The following TENM3 variants were observed in gnomAD, a reference collection of about 807,000 sequenced individuals.
TENM3 encodes the protein teneurin transmembrane protein 3.
A neutral mutation model predicts 255.1 loss-of-function variants in TENM3; 63 were observed. That is an observed-to-expected ratio of 0.25 (90% CI 0.20 to 0.30). The LOEUF (loss-of-function observed/expected upper bound fraction) is 0.30, where lower values mean the gene tolerates loss of function less well. Ranked by LOEUF, TENM3 falls within the 10% of genes least tolerant of loss-of-function variation. TENM3 has a pLI of 1.00. For missense variants in TENM3, 2,929 were observed against 3,461.1 expected (o/e 0.85, Z 3.86); for synonymous variants, 1,306 against 1,322.3 (o/e 0.99, Z 0.27).
chr4:181,477,776 T>C, the TENM3 span, among the ~76,000 whole-genome samples: 114 of 152,212 alleles, frequency 7.5e-4, no homozygotes, highest in Non-Finnish European at 1.3e-3. Context: ...GTGTGATTCA[T>C]TGTCACTGAT....
intron 6 of TENM3, among the ~76,000 whole-genome samples, chr4:182,666,895 C>T (rs1289692715): frequency 6.6e-6 from 1 of 151,230 alleles, no homozygotes; most frequent in Non-Finnish European, 1.5e-5. Context: ...TTTTGAGACC[C>T]TGTCTCAAAA....
chr4:182,390,045 C>T (rs1768318024), intron 3 of TENM3, among the ~76,000 whole-genome samples: 2 of 152,172 alleles, frequency 1.3e-5, no homozygotes, highest in East Asian at 3.9e-4. Flanking sequence ...TGAGGGTGCA[C>T]ATAGCCCACC....
rs184219716 is a variant in TENM3 at position 182,564,093 on chromosome 4, G to A, written c.512-36831G>A. ...GAAAGAGCCTCAAATGCAGCCTCTC[G>A]CCTGGCTCAGGAATCTTTTCAAGAG... On this transcript the variant is annotated intron_variant, in intron 3 of 27. Coordinates refer to ENST00000511685, the MANE Select transcript of TENM3 (RefSeq NM_001080477.4). 4.4e-3 allele frequency among the ~76,000 whole-genome samples: 677 copies of A among 152,176 alleles called. 3 individuals are homozygous for A. The highest frequency in any genetic ancestry group is 0.015 in the African/African-American group (614 of 41,520).
chr4:182,400,004 G>C (rs776393628), intron 3 of TENM3, among the ~76,000 whole-genome samples: 2 of 152,086 alleles, frequency 1.3e-5, no homozygotes, highest in Non-Finnish European at 2.9e-5. Flanking sequence ...TTACTTGTGT[G>C]TCTTGGGGAA....
At chr4:182,596,139 A>T (rs1031012567) in intron 3 of TENM3, among the ~76,000 whole-genome samples, 1 of 152,162 alleles carries the variant, frequency 6.6e-6, no homozygotes. Context: ...ATCCAAAAAA[A>T]TTTGAGTTAG....
chr4:181,519,854 G>A, the TENM3 span, among the ~76,000 whole-genome samples: 2 of 152,136 alleles, frequency 1.3e-5, no homozygotes, highest in African/African-American at 4.8e-5. Context: ...AATAAGCAGA[G>A]GCTGTTGGAA....
At chr4:181,682,949 C>G in the TENM3 span, among the ~76,000 whole-genome samples, 1 of 151,876 alleles carries the variant, frequency 6.6e-6, no homozygotes, top group African/African-American at 2.4e-5. Context: ...CATGGTAGCT[C>G]ACACCTTTAA....
Position 182,679,819 on chromosome 4 carries a change from G to A in TENM3, c.1480G>A (p.Ala494Thr). The A allele has an allele frequency of 6.2e-7, 1 of 1,613,812 alleles. No homozygotes were observed. ...QYLDSGIWHL[A>T]FYNDGKNAEQ... ...CTTGGATTCTGGAATCTGGCATCTG[G>A]CTTTTTATAATGATGGGAAAAATGC... The change falls in exon 8 of 28, where the codon GCT becomes ACT. Residue 494 changes from alanine to threonine, a missense_variant. Ala to Thr is a moderately conservative substitution (Grantham distance 58). Around this residue, in one of 6 missense-constraint regions of TENM3, gnomAD observed 1,608 missense variants for 1,884.4 expected, o/e 0.85. Transcript: ENST00000511685.
the TENM3 span, among the ~76,000 whole-genome samples, chr4:181,955,878 G>T: frequency 6.5e-3 from 997 of 152,252 alleles, 7 homozygotes; most frequent in Non-Finnish European, 0.01. Context: ...TTATTGCAAT[G>T]ATATACACTA....
At chr4:182,306,991 T>C (rs1445676608) in intron 1 of TENM3, among the ~76,000 whole-genome samples, 1 of 152,236 alleles carries the variant, frequency 6.6e-6, no homozygotes, top group Non-Finnish European at 1.5e-5. Context: ...TCACAGCAAT[T>C]AAAATATATT....
chr4:181,982,605 C>T, the TENM3 span, among the ~76,000 whole-genome samples: 1 of 152,054 alleles, frequency 6.6e-6, no homozygotes, highest in Non-Finnish European at 1.5e-5. Flanking sequence ...ATTGCATACT[C>T]GAAGCCTGAA....
intron 1 of TENM3, among the ~76,000 whole-genome samples, chr4:182,290,268 T>C (rs1051852030): frequency 3.2e-4 from 49 of 152,182 alleles, no homozygotes; most frequent in African/African-American, 1.0e-3. Flanking sequence ...GCACTTTACC[T>C]ACTTCCTCCC....
chr4:182,161,628 A>AAT lies in TENM3; in HGVS notation c.-76+16883_-76+16884dup, dbSNP rs1445831080. Among the ~76,000 whole-genome samples the AAT allele has an allele frequency of 1.4e-3, 121 of 84,138 alleles. 6 individuals are homozygous for AAT. Among genetic ancestry groups the AAT allele is most frequent in the Admixed American group, 2.8e-3 (20 of 7,178 alleles). The allele number at this position is 84,138 out of a possible 152,430, so 55.2% of individuals were successfully genotyped here. A position where few individuals can be genotyped will look rare whatever the true frequency, so the allele number is the denominator to read the frequency against. ...ATATATATATGTATATATATATACA[A>AAT]ATATATATATGTATATATATATATA... On this transcript the variant is annotated intron_variant, in intron 1 of 2. Coordinates refer to the TENM3 transcript ENST00000512480.
chr4:181,940,108 C>A, the TENM3 span, among the ~76,000 whole-genome samples: 1 of 152,102 alleles, frequency 6.6e-6, no homozygotes, highest in Non-Finnish European at 1.5e-5. Context: ...TAAAAAATAA[C>A]AGTGATAATA....
At chr4:182,009,372 C>G in the TENM3 span, among the ~76,000 whole-genome samples, 2 of 152,162 alleles carry the variant, frequency 1.3e-5, no homozygotes, top group African/African-American at 4.8e-5. Flanking sequence ...CACCCCTCCC[C>G]CTAGGGCCTC....
intron 4 of TENM3, among the ~76,000 whole-genome samples, chr4:182,605,387 T>C (rs1478364857): frequency 6.7e-6 from 1 of 149,760 alleles, no homozygotes; most frequent in Non-Finnish European, 1.5e-5. Flanking sequence ...GGAAAAGAGG[T>C]CCAAAAATGA....
the TENM3 span, among the ~76,000 whole-genome samples, chr4:182,086,076 G>A: frequency 1.3e-5 from 2 of 152,180 alleles, no homozygotes; most frequent in Non-Finnish European, 2.9e-5. Flanking sequence ...CTAAAAGTTA[G>A]GGCATTTGAA....
chr4:182,783,218 G>C (rs1765329976), intron 24 of TENM3, among the ~76,000 whole-genome samples: 2 of 152,144 alleles, frequency 1.3e-5, no homozygotes, highest in Admixed American at 1.3e-4. Flanking sequence ...CATGTTTAGT[G>C]CTTCCTTCAG....
At chr4:182,470,899 TG>T (rs1211299247) in intron 3 of TENM3, among the ~76,000 whole-genome samples, 2 of 152,138 alleles carry the variant, frequency 1.3e-5, no homozygotes, top group East Asian at 1.9e-4. Flanking sequence ...AATTACCGGG[TG>T]TTCAGGAAAT....
Sources: gnomAD v4.1 joint callset for allele counts (sites outside exome capture counted in the v4.1 genomes callset) on GRCh38, gnomAD v4.1.1 for gene constraint, gnomAD v4.1.1 regional missense constraint, MANE v1.5 for transcripts, NCBI Gene and HGNC (gene_info 2026-07-23, HGNC 2026-07-21) for gene names.